The following FSTL4 variants were observed in gnomAD, a reference collection of about 807,000 sequenced individuals.
FSTL4 encodes the protein follistatin-related protein 4.
In FSTL4, 28 loss-of-function variants were observed where a neutral mutation model predicts 78.2. The ratio of observed to expected loss-of-function variants is 0.36; its 90% confidence interval spans 0.27 to 0.49. The LOEUF (loss-of-function observed/expected upper bound fraction) is 0.49. Ranked by LOEUF, FSTL4 falls within the 20% of genes least tolerant of loss-of-function variation. The probability of loss-of-function intolerance (pLI) is 0.98; values close to 1 mark genes in which losing one functional copy is unlikely to be tolerated. For missense variants in FSTL4, 922 were observed against 1,084.9 expected (o/e 0.85, Z 2.11); for synonymous variants, 422 against 440.5 (o/e 0.96, Z 0.53).
rs1234948280 is a variant in FSTL4 at position 133,426,173 on chromosome 5, G to A, written c.161-25187C>T. The stretch of plus-strand genomic sequence containing the variant: ...CAAAAGAAGTCATCTTTCCCAGTTA[G>A]GAATTTTTAAAGCACAGAGTGTGCT... On this transcript the variant is annotated intron_variant, in intron 3 of 15. Transcript: ENST00000265342. The surrounding 1 kb of genome is among the most constrained non-coding windows in gnomAD (Gnocchi z 5.0). 2.0e-5 allele frequency among the ~76,000 whole-genome samples: 3 copies of A among 152,192 alleles called. No individual in the cohort carries two copies. The highest frequency in any genetic ancestry group is 6.5e-5 in the Admixed American group (1 of 15,284).
At chr5:133,591,633 A>G (rs963894632) in intron 2 of FSTL4, among the ~76,000 whole-genome samples, 1 of 152,132 alleles carries the variant, frequency 6.6e-6, no homozygotes, top group Non-Finnish European at 1.5e-5. Context: ...CCCCAAGCTG[A>G]GCCAATAAGG....
At chr5:133,235,669 T>C (rs767010437) in intron 7 of FSTL4, among the ~76,000 whole-genome samples, 3 of 151,970 alleles carry the variant, frequency 2.0e-5, no homozygotes, top group Non-Finnish European at 4.4e-5. Context: ...CTCAAAGAAG[T>C]AAAATGTTGC....
At chr5:133,369,369 T>C (rs924010011) in intron 4 of FSTL4, among the ~76,000 whole-genome samples, 10 of 152,210 alleles carry the variant, frequency 6.6e-5, no homozygotes, top group African/African-American at 2.4e-4. Context: ...TCATTGCTCC[T>C]GTGTCTCCTC....
intron 4 of FSTL4, among the ~76,000 whole-genome samples, chr5:133,364,235 C>T (rs1331712191): frequency 6.6e-6 from 1 of 151,838 alleles, no homozygotes; most frequent in Non-Finnish European, 1.5e-5. Context: ...GGCTCTGTTT[C>T]TGAAAGTCCA....
chr5:133,615,848 CAAA>C (rs906198788), upstream of FSTL4, among the ~76,000 whole-genome samples: 47 of 151,892 alleles, frequency 3.1e-4, no homozygotes, highest in African/African-American at 1.1e-3. Flanking sequence ...TTTTTCGAGA[CAAA>C]GAAGAAGTGG....
At chr5:133,414,561 A>G (rs1756539805) in intron 3 of FSTL4, among the ~76,000 whole-genome samples, 1 of 152,186 alleles carries the variant, frequency 6.6e-6, no homozygotes, top group Non-Finnish European at 1.5e-5. Context: ...ACCTCTCTGG[A>G]TTCCTGATTT....
rs1756806392 is a variant in FSTL4 at position 133,426,008 on chromosome 5, C to T, written c.161-25022G>A. ...TCCTGTCTAAGTGCTGGGGACCCCCCCTGAGCAAGACCCTTCTCTCTTGGC... is the reference window on the plus strand; with the variant it reads ...TCCTGTCTAAGTGCTGGGGACCCCCTCTGAGCAAGACCCTTCTCTCTTGGC... On this transcript the variant is annotated intron_variant, in intron 3 of 15. Transcript: ENST00000265342. This position sits in a 1 kb window ranked among gnomAD's most constrained non-coding sequence, Gnocchi z 5.0. 6.6e-6 allele frequency among the ~76,000 whole-genome samples: 1 copy of T among 152,174 alleles called. No homozygotes were observed. Among genetic ancestry groups the T allele is most frequent in the Admixed American group, 6.5e-5 (1 of 15,280 alleles).
chr5:133,537,480 C>A (rs933015897), intron 3 of FSTL4, among the ~76,000 whole-genome samples: 1 of 151,988 alleles, frequency 6.6e-6, no homozygotes, highest in African/African-American at 2.4e-5. Flanking sequence ...ATTAGTTATC[C>A]TAGTAATGTA....
intron 4 of FSTL4, among the ~76,000 whole-genome samples, chr5:133,340,886 G>A (rs1204481241): frequency 6.6e-6 from 1 of 152,164 alleles, no homozygotes; most frequent in Non-Finnish European, 1.5e-5. Context: ...CAACAAAAAT[G>A]AGCAGGCTGC....
intron 3 of FSTL4, among the ~76,000 whole-genome samples, chr5:133,415,984 T>G (rs955363349): frequency 7.2e-5 from 11 of 152,178 alleles, no homozygotes; most frequent in Non-Finnish European, 1.6e-4. Context: ...TCAGAGAGAA[T>G]CTGCAAGCAG....
At chr5:133,316,707 A>G (rs898863100) in intron 4 of FSTL4, 55 bp from the exon 5 acceptor site, 2 of 1,442,874 alleles carry the variant, frequency 1.4e-6, no homozygotes, top group African/African-American at 2.8e-5. Flanking sequence ...TCTTGAGAGA[A>G]CATTCTTGCC....
At chr5:133,616,791 C>T (rs965347119), upstream of FSTL4, among the ~76,000 whole-genome samples, 1 of 152,274 alleles carries the variant, frequency 6.6e-6, no homozygotes, top group African/African-American at 2.4e-5. Context: ...GACAACTATC[C>T]AACCTTCAGG....
At chr5:133,526,862 G>A (rs1265335970) in intron 3 of FSTL4, among the ~76,000 whole-genome samples, 1 of 152,170 alleles carries the variant, frequency 6.6e-6, no homozygotes, top group South Asian at 2.1e-4. Context: ...CTGAAGTTTT[G>A]AGCTTGAGTG....
the FSTL4 span, among the ~76,000 whole-genome samples, chr5:133,792,261 C>A: frequency 6.6e-6 from 1 of 152,176 alleles, no homozygotes; most frequent in African/African-American, 2.4e-5. Context: ...CTGCCCCTCC[C>A]AGCCCATGAA....
At chr5:133,320,494 A>G (rs956399761) in intron 4 of FSTL4, among the ~76,000 whole-genome samples, 1 of 152,156 alleles carries the variant, frequency 6.6e-6, no homozygotes, top group Non-Finnish European at 1.5e-5. Context: ...AACCACTTGG[A>G]AAGTGCAAAT....
intron 6 of FSTL4, among the ~76,000 whole-genome samples, chr5:133,261,288 G>T (rs1313621924): frequency 6.6e-6 from 1 of 152,098 alleles, no homozygotes; most frequent in East Asian, 1.9e-4. Flanking sequence ...TGCCCGTCGG[G>T]GTTACTGGGA....
At chr5:133,483,320 C>G (rs1158907770) in intron 3 of FSTL4, among the ~76,000 whole-genome samples, 1 of 152,172 alleles carries the variant, frequency 6.6e-6, no homozygotes, top group South Asian at 2.1e-4. Flanking sequence ...TGAACTAATA[C>G]AGAGATAGCA....
intron 7 of FSTL4, among the ~76,000 whole-genome samples, chr5:133,238,962 G>T (rs1447235143): frequency 1.3e-5 from 2 of 152,210 alleles, no homozygotes. Context: ...GGCGGGAACT[G>T]GCTCCCTCAG....
At chr5:133,329,519 C>T (rs1460889323) in intron 4 of FSTL4, among the ~76,000 whole-genome samples, 2 of 152,126 alleles carry the variant, frequency 1.3e-5, no homozygotes, top group South Asian at 2.1e-4. Context: ...AGAGCCAGTC[C>T]GAGTCCCAGA....
Sources: gnomAD v4.1 joint callset for allele counts (sites outside exome capture counted in the v4.1 genomes callset) on GRCh38, gnomAD v4.1.1 for gene constraint, Gnocchi (gnomAD v3.1) non-coding constraint, MANE v1.5 for transcripts, NCBI Gene and HGNC (gene_info 2026-07-23, HGNC 2026-07-21) for gene names.